The following DYNC1I1 variants were observed in gnomAD, a reference collection of about 807,000 sequenced individuals.
DYNC1I1 encodes dynein cytoplasmic 1 intermediate chain 1, also known as cytoplasmic dynein 1 intermediate chain 1.
In DYNC1I1, 43 loss-of-function variants were observed where a neutral mutation model predicts 86.6. The ratio of observed to expected loss-of-function variants is 0.50; its 90% CI spans 0.39 to 0.64. The LOEUF is 0.64. DYNC1I1 is among the 30% of genes least tolerant of loss of function. DYNC1I1 has a pLI of 0.00. For synonymous variants in DYNC1I1, 262 were observed against 283.7 expected (o/e 0.92, Z 0.77); for missense variants, 604 against 788.8 (o/e 0.77, Z 2.81).
At chr7:95,983,052 A>G (rs1019527171) in intron 7 of DYNC1I1, among the ~76,000 whole-genome samples, 43 of 152,182 alleles carry the variant, frequency 2.8e-4, no homozygotes, top group Admixed American at 2.5e-3. Flanking sequence ...TGCATTGATT[A>G]ACTAATCAAA....
intron 3 of DYNC1I1, among the ~76,000 whole-genome samples, chr7:95,812,121 A>G (rs2115837237): frequency 6.6e-6 from 1 of 152,298 alleles, no homozygotes; most frequent in Non-Finnish European, 1.5e-5. Context: ...TTGTGGGACC[A>G]CATGAAAATT....
chr7:96,007,194 G>A (rs1451168559), intron 10 of DYNC1I1, among the ~76,000 whole-genome samples: 1 of 152,086 alleles, frequency 6.6e-6, no homozygotes, highest in African/African-American at 2.4e-5. Context: ...TTGTGTTACA[G>A]GAATAATGGC....
At chr7:95,921,034 TG>T (rs1420300199) in intron 6 of DYNC1I1, among the ~76,000 whole-genome samples, 1 of 152,222 alleles carries the variant, frequency 6.6e-6, no homozygotes, top group Non-Finnish European at 1.5e-5. Flanking sequence ...AACAATTAAA[TG>T]GTCTCCCCCT....
chr7:95,799,959 G>GAA (rs1794538995), intron 1 of DYNC1I1, among the ~76,000 whole-genome samples: 2 of 150,810 alleles, frequency 1.3e-5, no homozygotes, highest in Non-Finnish European at 1.5e-5. Context: ...GGAAGAGGAG[G>GAA]AGGAGGAGAA....
chr7:96,074,793 C>T (rs1004436108), intron 14 of DYNC1I1, among the ~76,000 whole-genome samples: 1 of 152,160 alleles, frequency 6.6e-6, no homozygotes, highest in African/African-American at 2.4e-5. Flanking sequence ...GAGCCGATTC[C>T]CTACAGATAC....
chr7:95,996,935 C>T (rs551077925), intron 10 of DYNC1I1, among the ~76,000 whole-genome samples: 69 of 152,304 alleles, frequency 4.5e-4, no homozygotes, highest in Admixed American at 1.1e-3. Context: ...GTGGGTAAAC[C>T]TGTTGATTTT....
intron 14 of DYNC1I1, among the ~76,000 whole-genome samples, chr7:96,061,694 C>CCTCT (rs1233157649): frequency 1.3e-4 from 18 of 138,768 alleles, no homozygotes; most frequent in East Asian, 4.3e-4. Flanking sequence ...TCCCTCCCTC[C>CCTCT]CTCTCTCTCT....
chr7:96,026,530 GA>G (rs1415604303), intron 10 of DYNC1I1, among the ~76,000 whole-genome samples: 4 of 151,970 alleles, frequency 2.6e-5, no homozygotes, highest in Non-Finnish European at 5.9e-5. Context: ...ATTGTCCACA[GA>G]AAAAAATTCC....
chr7:95,984,512 T>TA (rs201172693), intron 7 of DYNC1I1, among the ~76,000 whole-genome samples: 12 of 151,998 alleles, frequency 7.9e-5, no homozygotes, highest in East Asian at 3.9e-4. Context: ...TTTTTCAAGT[T>TA]AAAAAAAACA....
intron 14 of DYNC1I1, among the ~76,000 whole-genome samples, chr7:96,042,036 G>A (rs184320173): frequency 1.3e-5 from 2 of 152,082 alleles, no homozygotes; most frequent in Admixed American, 6.5e-5. Flanking sequence ...TTAAAACTCT[G>A]TATGTTTGGT....
chr7:95,808,133 G>A (rs186340723), intron 2 of DYNC1I1, among the ~76,000 whole-genome samples: 1 of 152,128 alleles, frequency 6.6e-6, no homozygotes, highest in East Asian at 1.9e-4. Context: ...ATGGGATATC[G>A]ACTGGCCACT....
At chr7:95,827,081 A>G (rs925561974) in intron 4 of DYNC1I1, among the ~76,000 whole-genome samples, 9 of 152,126 alleles carry the variant, frequency 5.9e-5, no homozygotes, top group African/African-American at 1.9e-4. Context: ...AACTCCCAAG[A>G]GATGTTGATG....
At chr7:96,082,873 A>G (rs934498577) in intron 16 of DYNC1I1, among the ~76,000 whole-genome samples, 2 of 152,132 alleles carry the variant, frequency 1.3e-5, no homozygotes, top group Admixed American at 6.6e-5. Flanking sequence ...GTGTTGTTAT[A>G]CTCATATTTG....
chr7:95,951,528 A>G (rs780613692), intron 6 of DYNC1I1, among the ~76,000 whole-genome samples: 1 of 152,200 alleles, frequency 6.6e-6, no homozygotes, highest in Non-Finnish European at 1.5e-5. Flanking sequence ...TTCATTACCT[A>G]TAGTTTTCTG....
chr7:96,068,078 T>G (rs1451258856), intron 14 of DYNC1I1, among the ~76,000 whole-genome samples: 1 of 152,176 alleles, frequency 6.6e-6, no homozygotes, highest in African/African-American at 2.4e-5. Flanking sequence ...TTGACCAGCC[T>G]CCTGTGACCT....
At chr7:95,941,944 G>T (rs1018298415) in intron 6 of DYNC1I1, among the ~76,000 whole-genome samples, 2 of 151,970 alleles carry the variant, frequency 1.3e-5, no homozygotes, top group Non-Finnish European at 2.9e-5. Context: ...CGGCCATCTT[G>T]GCTCACAATT....
At position 95,995,927 on chromosome 7, in the gene DYNC1I1, C is replaced by A. The variant is rs776829912; in HGVS notation, c.844-21C>A. The A allele has an allele frequency of 6.0e-5, 94 of 1,571,564 alleles. 1 individual carries two copies. In the East Asian group the frequency reaches 2.1e-3, roughly 34 times the overall value. On this transcript the variant is annotated intron_variant, in intron 9 of 16. Coordinates refer to ENST00000447467, the MANE Select transcript of DYNC1I1 (RefSeq NM_001135556.2). ...TGTTGTCATCTTAGCATAATTCATC[C>A]TTGTGACCTCTTCCATTTAGTACCC...
intron 6 of DYNC1I1, among the ~76,000 whole-genome samples, chr7:95,977,087 CA>C (rs1378299696): frequency 6.6e-6 from 1 of 152,150 alleles, no homozygotes; most frequent in African/African-American, 2.4e-5. Context: ...AGGTCAAAAA[CA>C]AATTAATTTG....
At chr7:95,985,950 G>T (rs1332641968) in intron 8 of DYNC1I1, among the ~76,000 whole-genome samples, 1 of 150,912 alleles carries the variant, frequency 6.6e-6, no homozygotes, top group Non-Finnish European at 1.5e-5. Flanking sequence ...ATTTTTCTAT[G>T]ACTTTCTTGA....
Sources: gnomAD v4.1 joint callset for allele counts (sites outside exome capture counted in the v4.1 genomes callset) on GRCh38, gnomAD v4.1.1 for gene constraint, MANE v1.5 for transcripts, NCBI Gene and HGNC (gene_info 2026-07-23, HGNC 2026-07-21) for gene names.